SH3PXD2B: variants seen among roughly 807,000 people sequenced by gnomAD.
SH3PXD2B encodes the protein SH3 and PX domain-containing protein 2B.
A neutral mutation model predicts 73.1 loss-of-function variants in SH3PXD2B; 37 were observed. That is an observed-to-expected ratio of 0.51 (90% CI 0.39 to 0.67). The LOEUF (loss-of-function observed/expected upper bound fraction) is 0.67. Ranked by LOEUF, SH3PXD2B falls within the 30% of genes least tolerant of loss-of-function variation. The probability of loss-of-function intolerance (pLI) is 0.00; values close to 1 mark genes in which losing one functional copy is unlikely to be tolerated. For synonymous variants in SH3PXD2B, 457 were observed against 480.5 expected (o/e 0.95, Z 0.64); for missense variants, 1,053 against 1,197.8 (o/e 0.88, Z 1.78).
intron 6 of SH3PXD2B, among the ~76,000 whole-genome samples, chr5:172,369,048 C>A (rs1757642508): frequency 6.7e-6 from 1 of 150,312 alleles, no homozygotes; most frequent in East Asian, 2.0e-4. Flanking sequence ...GCATGCACCA[C>A]CATGCCTGGC....
chr5:172,327,638 G>T (rs576838911), intron 12 of SH3PXD2B, among the ~76,000 whole-genome samples: 1 of 152,258 alleles, frequency 6.6e-6, no homozygotes, highest in Admixed American at 6.5e-5. Flanking sequence ...AACCAGACTG[G>T]AGTACAGTGG....
At chr5:172,402,684 A>G (rs1037164571) in intron 3 of SH3PXD2B, among the ~76,000 whole-genome samples, 6 of 152,146 alleles carry the variant, frequency 3.9e-5, no homozygotes, top group Non-Finnish European at 7.4e-5. Flanking sequence ...AATAGGGGGA[A>G]TTTTGGGGAA....
intron 6 of SH3PXD2B, among the ~76,000 whole-genome samples, chr5:172,373,296 C>T (rs1185814900): frequency 6.6e-6 from 1 of 152,232 alleles, no homozygotes; most frequent in East Asian, 1.9e-4. Context: ...TGGAAACCTT[C>T]TGATCCTTCA....
At chr5:172,424,254 GA>G (rs1314744485) in intron 1 of SH3PXD2B, among the ~76,000 whole-genome samples, 1 of 152,206 alleles carries the variant, frequency 6.6e-6, no homozygotes, top group East Asian at 1.9e-4. Flanking sequence ...AGTCCAGGTT[GA>G]TACCGGAAGT....
chr5:172,430,114 T>A (rs1759198707), intron 1 of SH3PXD2B, among the ~76,000 whole-genome samples: 1 of 152,190 alleles, frequency 6.6e-6, no homozygotes, highest in Admixed American at 6.5e-5. Flanking sequence ...GAGGATGAAA[T>A]GAGAACATGC....
chr5:172,438,705 G>C (rs1025810622), intron 1 of SH3PXD2B, among the ~76,000 whole-genome samples: 15 of 152,060 alleles, frequency 9.9e-5, no homozygotes, highest in African/African-American at 3.4e-4. Flanking sequence ...AGAATACCCA[G>C]GAGTGATTTA....
intron 1 of SH3PXD2B, among the ~76,000 whole-genome samples, chr5:172,452,106 A>T (rs1759809179): frequency 6.6e-6 from 1 of 152,186 alleles, no homozygotes; most frequent in East Asian, 1.9e-4. Flanking sequence ...GGCATTTAGG[A>T]ATGCCCTAAG....
downstream of SH3PXD2B, among the ~76,000 whole-genome samples, chr5:172,331,711 G>C (rs1449882439): frequency 6.6e-6 from 1 of 152,198 alleles, no homozygotes; most frequent in African/African-American, 2.4e-5. Flanking sequence ...CAGCACTTTG[G>C]GAGGCCAAGG....
rs575595275 is a variant in SH3PXD2B at position 172,423,945 on chromosome 5, C to T, written c.76-1449G>A. Among the ~76,000 whole-genome samples, 217 of 152,214 alleles carry T rather than the reference C, an allele frequency of 1.4e-3. 1 individual carries two copies. The highest frequency in any genetic ancestry group is 5.0e-3 in the African/African-American group (209 of 41,544). ...TGCTTGAGCCACCGCGCCCGGCCCGCCCTGGGACTTTTGCTCCAACTCTGG... is the reference window on the plus strand; with the variant it reads ...TGCTTGAGCCACCGCGCCCGGCCCGTCCTGGGACTTTTGCTCCAACTCTGG... On this transcript the variant is annotated intron_variant, in intron 1 of 12. Transcript: ENST00000311601.
chr5:172,352,301 C>T (rs537504547), intron 9 of SH3PXD2B, among the ~76,000 whole-genome samples: 164 of 152,282 alleles, frequency 1.1e-3, no homozygotes, highest in South Asian at 5.6e-3. Context: ...CATAGCTCAT[C>T]GCAGCCTCAA....
chr5:172,407,812 C>T (rs1758596036), intron 2 of SH3PXD2B, among the ~76,000 whole-genome samples: 1 of 152,194 alleles, frequency 6.6e-6, no homozygotes, highest in Non-Finnish European at 1.5e-5. Context: ...CAGACATGGG[C>T]TAGATTCTTT....
In SH3PXD2B at chr5:172,335,262, A is replaced by G. The variant is rs1756659912; in HGVS notation, c.*3107T>C. On this transcript the variant is annotated 3_prime_UTR_variant, in exon 13 of 13. Transcript: ENST00000311601. ...GGGGAAGAAAAAAAAATCTCTGCCC[A>G]CCTTTTGGGCTGCCATTTGGCCTGT... 3 of 1,097,110 alleles carry G rather than the reference A, an allele frequency of 2.7e-6. No individual in the cohort carries two copies. In the South Asian group the frequency reaches 1.3e-4, roughly 49 times the overall value. The allele number at this position is 1,097,110 out of a possible 1,614,324, so 68.0% of individuals were successfully genotyped here.
chr5:172,441,617 T>C (rs1286941752), intron 1 of SH3PXD2B, among the ~76,000 whole-genome samples: 2 of 152,092 alleles, frequency 1.3e-5, no homozygotes, highest in African/African-American at 2.4e-5. Context: ...GGCCTCAACG[T>C]CAAAGCTGGG....
intron 10 of SH3PXD2B, 56 bp from the exon 11 acceptor site, chr5:172,347,388 G>T: frequency 6.3e-7 from 1 of 1,582,032 alleles, no homozygotes; most frequent in Non-Finnish European, 8.7e-7. Flanking sequence ...TTCCTGAGCT[G>T]GGTGCCAGGT....
intron 1 of SH3PXD2B, among the ~76,000 whole-genome samples, chr5:172,440,960 T>C (rs1194700642): frequency 6.6e-6 from 1 of 152,196 alleles, no homozygotes; most frequent in African/African-American, 2.4e-5. Flanking sequence ...GTAACACCCC[T>C]GGTACAGTGG....
At chr5:172,346,044 C>T in intron 12 of SH3PXD2B, 92 bp downstream of exon 12, 1 of 1,595,420 alleles carries the variant, frequency 6.3e-7, no homozygotes, top group Non-Finnish European at 8.6e-7. Context: ...CCTCCACCCA[C>T]CCAGTGAAGT....
rs1759639982 is a variant in SH3PXD2B, at chr5:172,445,409, T to C, written c.75+8869A>G. Among the ~76,000 whole-genome samples the C allele has an allele frequency of 6.6e-6, 1 of 152,074 alleles. No individual in the cohort carries two copies. Among genetic ancestry groups the C allele is most frequent in the African/African-American group, 2.4e-5 (1 of 41,408 alleles). On this transcript the variant is annotated intron_variant, in intron 1 of 12. Transcript: ENST00000311601. The surrounding 1 kb of genome is among the most constrained non-coding windows in gnomAD (Gnocchi z 5.2). ...ATTTTTAGTAGAGATGAGGTCTCAC[T>C]ATGTTCCCCAGGCTGGTATTGAACT...
At chr5:172,355,006 T>C (rs1159181501) in intron 8 of SH3PXD2B, among the ~76,000 whole-genome samples, 2 of 152,138 alleles carry the variant, frequency 1.3e-5, no homozygotes, top group Non-Finnish European at 2.9e-5. Flanking sequence ...CCACCCCCAG[T>C]GTTATCTGCT....
chr5:172,355,880 C>G (rs10053291), intron 8 of SH3PXD2B, among the ~76,000 whole-genome samples: 21,425 of 152,050 alleles, frequency 0.14, 2,479 homozygotes, highest in African/African-American at 0.32. Context: ...CCCTCTCTGG[C>G]ATCCATGGAT....
Sources: allele counts gnomAD v4.1 joint callset (sites outside exome capture counted in the v4.1 genomes callset), GRCh38; gene constraint gnomAD v4.1.1; non-coding constraint Gnocchi (gnomAD v3.1); transcripts MANE v1.5; gene names NCBI Gene and HGNC (gene_info 2026-07-23, HGNC 2026-07-21).